The following MYH11 variants were observed in gnomAD, a reference collection of about 807,000 sequenced individuals.
MYH11 encodes the protein myosin-11.
In MYH11, 80 loss-of-function variants were observed where a neutral mutation model predicts 246.6. That is an observed-to-expected ratio of 0.32 (90% CI 0.27 to 0.39). The LOEUF is 0.39. Among genes scored for constraint, MYH11 ranks in the 10% least tolerant of loss-of-function variants. MYH11 has a pLI of 1.00. For synonymous variants in MYH11, 1,071 were observed against 1,015.5 expected (o/e 1.05, Z -1.04); for missense variants, 2,158 against 2,546.8 (o/e 0.85, Z 3.29).
chr16:15,712,605 T>G (rs961567693), intron 40 of MYH11, among the ~76,000 whole-genome samples: 1 of 151,990 alleles, frequency 6.6e-6, no homozygotes, highest in Non-Finnish European at 1.5e-5. Context: ...AAAAGAGAAC[T>G]AAGTTGATAC....
At chr16:15,775,188 G>T (rs2042191103) in intron 8 of MYH11, among the ~76,000 whole-genome samples, 1 of 152,164 alleles carries the variant, frequency 6.6e-6, no homozygotes, top group South Asian at 2.1e-4. Context: ...TGCAGGTCCA[G>T]AACTCATAAC....
chr16:15,800,474 G>A (rs1376089915), intron 3 of MYH11, among the ~76,000 whole-genome samples: 2 of 148,340 alleles, frequency 1.3e-5, no homozygotes, highest in Non-Finnish European at 1.5e-5. Flanking sequence ...ATGGGTAGAT[G>A]GGTGGGTATA....
intron 3 of MYH11, among the ~76,000 whole-genome samples, chr16:15,800,509 C>T (rs531288725): frequency 4.1e-5 from 6 of 146,746 alleles, no homozygotes; most frequent in South Asian, 2.2e-4. Context: ...GATGGTTGGA[C>T]GGAGGAGGGA....
At chr16:15,764,250 G>A (rs1328817882) in intron 9 of MYH11, among the ~76,000 whole-genome samples, 1 of 152,120 alleles carries the variant, frequency 6.6e-6, no homozygotes, top group Non-Finnish European at 1.5e-5. Flanking sequence ...GGCCTACAAA[G>A]GCTAAAGAAT....
At chr16:15,839,987 G>T (rs888777183) in intron 1 of MYH11, among the ~76,000 whole-genome samples, 5 of 152,104 alleles carry the variant, frequency 3.3e-5, no homozygotes, top group African/African-American at 1.2e-4. Flanking sequence ...GGAGGCAGAG[G>T]CTGCAGTGAG....
At chr16:15,725,160 CACA>C in intron 28 of MYH11, 168 bp from the exon 29 acceptor site, 1 of 649,860 alleles carries the variant, frequency 1.5e-6, no homozygotes, top group Non-Finnish European at 2.7e-6. Flanking sequence ...CACACACACA[CACA>C]AAAAAAACAG....
In MYH11 at chr16:15,721,414, C is replaced by T; in HGVS notation, c.4578+8G>A. On this transcript the variant is annotated splice_region_variant and intron_variant, in intron 32 of 40. Transcript: ENST00000300036. The stretch of plus-strand genomic sequence containing the variant: ...CATGGACGAGAAAAACCACCCAGAG[C>T]CACTTACGTTCTTGCCCACGTCATC... The T allele has an allele frequency of 6.2e-7, 1 of 1,614,024 alleles. No individual in the cohort carries two copies. The highest frequency in any genetic ancestry group is 8.5e-7 in the Non-Finnish European group (1 of 1,179,944).
rs758166424 is a variant in MYH11 at position 15,756,424 on chromosome 16, C to T, written c.1666G>A (p.Glu556Lys). 3 of 1,614,170 alleles carry T rather than the reference C, an allele frequency of 1.9e-6. No individual in the cohort carries two copies. In the Admixed American group the frequency reaches 5.0e-5, roughly 27 times the overall value. ...TGGAACTTGGGGTGGCTGCCCTGCT[C>T]CGTGCACAGCTTCTCCACGAAAGAC... ...DKSFVEKLCT[E>K]QGSHPKFQKP... is the part of the protein sequence containing the mutation. The change falls in exon 14 of 41, where the codon GAG becomes AAG. Residue 556 changes from glutamate (E) to lysine (K), a missense_variant. Coordinates refer to ENST00000300036, the MANE Select transcript of MYH11 (RefSeq NM_002474.3).
At chr16:15,763,738 A>AGCTGGGGGGCCCCCCCCCCCCCC in intron 10 of MYH11, 58 bp downstream of exon 10, 1 of 717,694 alleles carries the variant, frequency 1.4e-6, no homozygotes, top group Non-Finnish European at 2.6e-6. Flanking sequence ...GTTAAATGTC[A>AGCTGGGGGGCCCCCCCCCCCCCC]CCTCCCCCAC....
intron 2 of MYH11, among the ~76,000 whole-genome samples, chr16:15,825,484 G>T (rs965776669): frequency 6.6e-6 from 1 of 152,012 alleles, no homozygotes; most frequent in African/African-American, 2.4e-5. Context: ...TTGATCCCAG[G>T]AGCTCAAGGT....
chr16:15,853,589 G>C (rs541999368), intron 1 of MYH11, among the ~76,000 whole-genome samples: 1 of 152,204 alleles, frequency 6.6e-6, no homozygotes, highest in African/African-American at 2.4e-5. Context: ...TCACATACAA[G>C]GTTTCTTTCA....
At chr16:15,807,194 T>C (rs2043034040) in intron 3 of MYH11, among the ~76,000 whole-genome samples, 1 of 152,092 alleles carries the variant, frequency 6.6e-6, no homozygotes. Flanking sequence ...AACTTAGTAA[T>C]ATTACCCAGG....
At chr16:15,793,843 T>G (rs2042677054) in intron 4 of MYH11, among the ~76,000 whole-genome samples, 1 of 144,020 alleles carries the variant, frequency 6.9e-6, no homozygotes, top group Non-Finnish European at 1.5e-5. Context: ...CAGGATGGTC[T>G]CGAACTCCTG....
intron 8 of MYH11, among the ~76,000 whole-genome samples, chr16:15,775,663 A>T (rs1459029676): frequency 6.6e-6 from 1 of 152,258 alleles, no homozygotes; most frequent in East Asian, 1.9e-4. Context: ...AAAAATGCTT[A>T]GTCCTGCTGC....
At chr16:15,747,502 A>G (rs1555560225) in intron 19 of MYH11, 68 bp downstream of exon 19, 15 of 1,589,986 alleles carry the variant, frequency 9.4e-6, no homozygotes, top group South Asian at 3.3e-5. Flanking sequence ...GAATCAGGGA[A>G]TCAGAACAGA....
At chr16:15,758,783 G>C (rs2041796162) in intron 12 of MYH11, among the ~76,000 whole-genome samples, 1 of 150,726 alleles carries the variant, frequency 6.6e-6, no homozygotes, top group Non-Finnish European at 1.5e-5. Flanking sequence ...CTGGGCAACA[G>C]AGCGAGACTC....
chr16:15,732,996 A>C, intron 26 of MYH11: 1 of 519,056 alleles, frequency 1.9e-6, no homozygotes, highest in South Asian at 2.2e-5. Flanking sequence ...ATTTTGCTTA[A>C]ATATTAATGT....
chr16:15,769,233 T>C (rs1245435081), intron 9 of MYH11, among the ~76,000 whole-genome samples: 1 of 152,158 alleles, frequency 6.6e-6, no homozygotes, highest in Non-Finnish European at 1.5e-5. Context: ...AGAGAATTGC[T>C]TGAACCCAGG....
At chr16:15,712,791 CAG>C (rs1161013684) in intron 40 of MYH11, 2 of 138,362 alleles carry the variant, frequency 1.4e-5, no homozygotes, top group Admixed American at 1.4e-4. Context: ...GCTGCCCTGT[CAG>C]GGGACCTCTG....
Sources: allele counts gnomAD v4.1 joint callset (sites outside exome capture counted in the v4.1 genomes callset), GRCh38; gene constraint gnomAD v4.1.1; transcripts MANE v1.5; gene names NCBI Gene and HGNC (gene_info 2026-07-23, HGNC 2026-07-21).